The following SYNJ1 variants were observed in gnomAD, a reference collection of about 807,000 sequenced individuals.
The protein encoded by SYNJ1 is synaptojanin 1.
A neutral mutation model predicts 168.2 loss-of-function variants in SYNJ1; 78 were observed. The observed-to-expected ratio is 0.46, with a 90% CI of 0.39 to 0.56. The LOEUF (loss-of-function observed/expected upper bound fraction) is 0.56, where lower values mean the gene tolerates loss of function less well. SYNJ1 is among the 20% of genes least tolerant of loss of function. The pLI is 0.00. For synonymous variants in SYNJ1, 539 were observed against 548.6 expected (o/e 0.98, Z 0.24); for missense variants, 1,303 against 1,597.6 (o/e 0.82, Z 3.14).
intron 18 of SYNJ1, among the ~76,000 whole-genome samples, chr21:32,658,233 C>T (rs1411410801): frequency 6.6e-6 from 1 of 152,106 alleles, no homozygotes; most frequent in African/African-American, 2.4e-5. Context: ...CTGCCTTGCC[C>T]CCAATCCTGT....
Position 32,670,337 on chromosome 21 carries a change from C to T in SYNJ1, c.1762G>A (p.Gly588Ser), listed in dbSNP as rs756845805. 2 of 1,613,362 alleles carry T rather than the reference C, an allele frequency of 1.2e-6. No individual in the cohort carries two copies. Among genetic ancestry groups the T allele is most frequent in the Non-Finnish European group, 1.7e-6 (2 of 1,179,792 alleles). ...RSKPTDIFAI[G>S]FEEMVELNAG... The stretch of plus-strand genomic sequence containing the variant: ...TTCAATTCTACCATTTCTTCAAAAC[C>T]AATTGCAAATATATCAGTTGGCTTA... Residue 588 changes from glycine (G) to serine (S), a missense_variant, in exon 15 of 33, where the codon GGT becomes AGT. This residue lies in a region of SYNJ1 where 920 missense variants were observed against 1,208.8 expected (regional missense o/e 0.76). Coordinates refer to ENST00000674351, the MANE Select transcript of SYNJ1 (RefSeq NM_203446.3).
In SYNJ1 at chr21:32,726,851, G is replaced by A. The variant is rs1227698771; in HGVS notation, c.45C>T (p.Pro15=). The A allele has an allele frequency of 1.9e-6, 3 of 1,614,112 alleles. No homozygotes were observed. In the East Asian group the frequency reaches 6.7e-5, roughly 36 times the overall value. Residue 15 remains proline (P), a synonymous_variant, in exon 2 of 33, where the codon CCC becomes CCT. Transcript: ENST00000674351. ...TTTCCACTATGAGGCTGAAAGGTGG[G>A]GGATCCAATTTGTGATAGATCCGGA... The part of the protein sequence containing the change: ...KGFRIYHKLD[P]PPFSLIVETR...
intron 5 of SYNJ1, among the ~76,000 whole-genome samples, 158 bp from the exon 6 acceptor site, chr21:32,694,469 CT>C (rs1282202124): frequency 6.6e-6 from 1 of 151,916 alleles, no homozygotes; most frequent in African/African-American, 2.4e-5. Flanking sequence ...ACAGGTTTGA[CT>C]TTTTTTTCTG....
chr21:32,722,198 A>AT (rs2043253231), intron 2 of SYNJ1, among the ~76,000 whole-genome samples: 1 of 113,546 alleles, frequency 8.8e-6, no homozygotes, highest in Non-Finnish European at 1.8e-5. Flanking sequence ...AGAAAAAAAA[A>AT]AAAAAAAATA....
intron 27 of SYNJ1, among the ~76,000 whole-genome samples, chr21:32,642,648 T>C (rs1234774934): frequency 2.6e-5 from 4 of 152,248 alleles, no homozygotes; most frequent in Non-Finnish European, 4.4e-5. Flanking sequence ...CGGATTTCTA[T>C]AACAAAATCC....
At chr21:32,687,544 T>A (rs571213152) in intron 7 of SYNJ1, among the ~76,000 whole-genome samples, 1 of 152,360 alleles carries the variant, frequency 6.6e-6, no homozygotes, top group East Asian at 1.9e-4. Context: ...CCAGAAACTA[T>A]GTAGAGCAAT....
intron 4 of SYNJ1, among the ~76,000 whole-genome samples, chr21:32,697,496 A>AT (rs1234219503): frequency 8.1e-6 from 1 of 123,310 alleles, no homozygotes; most frequent in African/African-American, 3.4e-5. Flanking sequence ...TCTTAAGTGA[A>AT]TTAAAAAAAA....
intron 16 of SYNJ1, 79 bp downstream of exon 16, chr21:32,666,354 G>T: frequency 6.5e-7 from 1 of 1,539,618 alleles, no homozygotes; most frequent in Non-Finnish European, 8.7e-7. Flanking sequence ...TTGAAGAACT[G>T]AAACAATAAA....
intron 2 of SYNJ1, among the ~76,000 whole-genome samples, chr21:32,704,917 A>T (rs140554972): frequency 6.6e-6 from 1 of 152,252 alleles, no homozygotes; most frequent in East Asian, 1.9e-4. Flanking sequence ...TGGGAGGCCC[A>T]GGTGGGCGGA....
chr21:32,659,154 G>A (rs2040580317), intron 18 of SYNJ1, among the ~76,000 whole-genome samples: 1 of 150,924 alleles, frequency 6.6e-6, no homozygotes, highest in Admixed American at 6.6e-5. Context: ...GCTTTAAGAA[G>A]TGTTTCAAAA....
intron 2 of SYNJ1, among the ~76,000 whole-genome samples, chr21:32,703,495 C>T (rs1228766383): frequency 3.3e-5 from 5 of 152,058 alleles, no homozygotes; most frequent in African/African-American, 1.2e-4. Context: ...GTTAAGAGTA[C>T]CATATGTACT....
At chr21:32,653,483 A>G in intron 21 of SYNJ1, 117 bp from the exon 22 acceptor site, 1 of 800,890 alleles carries the variant, frequency 1.2e-6, no homozygotes, top group Non-Finnish European at 2.0e-6. Context: ...AGTAAAAAGT[A>G]AAGGAGGGAG....
At chr21:32,635,075 G>A (rs2039505083) in intron 31 of SYNJ1, among the ~76,000 whole-genome samples, 191 bp from the exon 32 acceptor site, 1 of 152,076 alleles carries the variant, frequency 6.6e-6, no homozygotes, top group Non-Finnish European at 1.5e-5. Context: ...GTTGAATTAG[G>A]GTCCAGACTT....
At position 32,657,712 on chromosome 21, in the gene SYNJ1, C is replaced by A. The variant is rs538934316; in HGVS notation, c.2461+4G>T. 1.3e-6 allele frequency: 2 copies of A among 1,583,668 alleles called. No homozygotes were observed. Among genetic ancestry groups the A allele is most frequent in the South Asian group, 2.4e-5 (2 of 84,828 alleles). ...CATTTAAATAAAGAAGCCCATTTCC[C>A]AACCTGATCTATCAAAAGGCCATTT... On this transcript the variant is annotated splice_donor_region_variant and intron_variant, in intron 19 of 32. Coordinates refer to ENST00000674351, the MANE Select transcript of SYNJ1 (RefSeq NM_203446.3).
At chr21:32,633,427 G>C (rs1207576924) in intron 32 of SYNJ1, among the ~76,000 whole-genome samples, 1 of 152,106 alleles carries the variant, frequency 6.6e-6, no homozygotes, top group African/African-American at 2.4e-5. Context: ...AGCTTATCAG[G>C]CATACATTAT....
chr21:32,664,822 C>T (rs775627311), intron 18 of SYNJ1, 91 bp downstream of exon 18: 1 of 1,183,336 alleles, frequency 8.5e-7, no homozygotes, highest in Non-Finnish European at 1.2e-6. Context: ...TACAAAAAGA[C>T]CCCAAGAAAA....
At chr21:32,670,471 TC>T (rs1373839132) in intron 14 of SYNJ1, 99 bp from the exon 15 acceptor site, 38 of 913,110 alleles carry the variant, frequency 4.2e-5, no homozygotes, top group Non-Finnish European at 6.3e-5. Flanking sequence ...AAGACTGATT[TC>T]TGTGTTTTGA....
In SYNJ1 at chr21:32,695,247, C is replaced by T; in HGVS notation, c.515G>A (p.Gly172Asp). 1 of 1,613,888 alleles carries T rather than the reference C, an allele frequency of 6.2e-7. No homozygotes were observed. Among genetic ancestry groups the T allele is most frequent in the Non-Finnish European group, 8.5e-7 (1 of 1,179,930 alleles). The change falls in exon 5 of 33, where the codon GGC becomes GAC. Residue 172 changes from glycine (G) to aspartate (D), a missense_variant. Gly to Asp is a moderately conservative substitution (Grantham distance 94). Coordinates refer to ENST00000674351, the MANE Select transcript of SYNJ1 (RefSeq NM_203446.3). ...TAATAACCAGTCATCACAATTCACG[C>T]CATAGTGTTTGAGATGCAAATGCAA... ...QSLHLHLKHY[G>D]VNCDDWLLRL... is the part of the protein sequence containing the mutation.
chr21:32,697,461 T>A (rs923008288), intron 4 of SYNJ1, among the ~76,000 whole-genome samples: 1 of 151,832 alleles, frequency 6.6e-6, no homozygotes, highest in African/African-American at 2.4e-5. Context: ...GGCTTTCTTT[T>A]ATCTGACTTT....
Sources: gnomAD v4.1 joint callset for allele counts (sites outside exome capture counted in the v4.1 genomes callset) on GRCh38, gnomAD v4.1.1 for gene constraint, gnomAD v4.1.1 regional missense constraint, MANE v1.5 for transcripts, NCBI Gene and HGNC (gene_info 2026-07-23, HGNC 2026-07-21) for gene names.